Variants in NRXN1 observed in about 807,000 individuals in gnomAD.
NRXN1 encodes the protein neurexin 1, also known as neurexin-1.
NRXN1 carries 39 observed loss-of-function variants against 150.9 expected under a neutral mutation model. That is an observed-to-expected ratio of 0.26 (90% CI 0.20 to 0.34). The LOEUF (loss-of-function observed/expected upper bound fraction) is 0.34. Ranked by LOEUF, NRXN1 falls within the 10% of genes least tolerant of loss-of-function variation. The probability of loss-of-function intolerance (pLI) is 1.00; values close to 1 mark genes in which losing one functional copy is unlikely to be tolerated. For missense variants in NRXN1, 1,815 were observed against 1,949.9 expected (o/e 0.93, Z 1.30); for synonymous variants, 924 against 757.0 (o/e 1.22, Z -3.62).
In NRXN1 at chr2:50,346,107, T is replaced by G. The variant is rs1477913380; in HGVS notation, c.3365-109137A>C. ...GACTCGGTTGCCCTCCTAGCTTTTCTAATTAAGGGAAGGCGTGGGGGCAAA... is the reference window on the plus strand; with the variant it reads ...GACTCGGTTGCCCTCCTAGCTTTTCGAATTAAGGGAAGGCGTGGGGGCAAA... On this transcript the variant is annotated intron_variant, in intron 17 of 22. Transcript: ENST00000401669. The surrounding 1 kb of genome is among the most constrained non-coding windows in gnomAD (Gnocchi z 5.0). Among the ~76,000 whole-genome samples, 1 of 152,190 alleles carries G rather than the reference T, an allele frequency of 6.6e-6. No homozygotes were observed. The highest frequency in any genetic ancestry group is 1.5e-5 in the Non-Finnish European group (1 of 68,040).
intron 7 of NRXN1, among the ~76,000 whole-genome samples, chr2:50,620,614 T>G (rs1004341797): frequency 6.6e-6 from 1 of 152,158 alleles, no homozygotes; most frequent in Non-Finnish European, 1.5e-5. Flanking sequence ...GCGCAAGCTA[T>G]TTCCAGCAAC....
intron 12 of NRXN1, among the ~76,000 whole-genome samples, chr2:50,516,619 C>G (rs898975237): frequency 4.6e-5 from 7 of 152,088 alleles, no homozygotes. Flanking sequence ...ACCCTCAGAA[C>G]CAGGAAGCAA....
At chr2:50,026,969 G>T (rs1688429984) in intron 21 of NRXN1, among the ~76,000 whole-genome samples, 5 of 137,344 alleles carry the variant, frequency 3.6e-5, no homozygotes, top group Admixed American at 2.4e-4. Flanking sequence ...GAAACCTCCG[G>T]CTCCCAGGTT....
At chr2:50,133,730 T>G (rs773649486) in intron 18 of NRXN1, among the ~76,000 whole-genome samples, 2 of 152,160 alleles carry the variant, frequency 1.3e-5, no homozygotes, top group Non-Finnish European at 2.9e-5. Context: ...CAAGAAATCA[T>G]AGACTTCTGG....
intron 2 of NRXN1, among the ~76,000 whole-genome samples, chr2:50,982,857 A>G (rs535710305): frequency 4.6e-5 from 7 of 152,184 alleles, no homozygotes; most frequent in African/African-American, 1.2e-4. Context: ...TTCCATTCCA[A>G]TAACTCTGTT....
At chr2:50,011,074 T>C (rs1558687517) in intron 21 of NRXN1, among the ~76,000 whole-genome samples, 1 of 152,144 alleles carries the variant, frequency 6.6e-6, no homozygotes, top group Non-Finnish European at 1.5e-5. Context: ...TTTTACAATC[T>C]TTGTATAGAA....
At chr2:50,730,406 A>G (rs1697943351) in intron 5 of NRXN1, among the ~76,000 whole-genome samples, 1 of 152,186 alleles carries the variant, frequency 6.6e-6, no homozygotes, top group African/African-American at 2.4e-5. Flanking sequence ...GGAATCAAGC[A>G]TAACTTTAAT....
intron 5 of NRXN1, among the ~76,000 whole-genome samples, chr2:50,834,119 T>C (rs1671773089): frequency 1.3e-5 from 2 of 152,304 alleles, no homozygotes; most frequent in South Asian, 4.1e-4. Flanking sequence ...TTTCTTATTA[T>C]TTATTGAGAT....
chr2:50,614,829 A>T (rs1678808193), intron 8 of NRXN1, among the ~76,000 whole-genome samples: 1 of 151,768 alleles, frequency 6.6e-6, no homozygotes, highest in Non-Finnish European at 1.5e-5. Context: ...AAACTTTCTA[A>T]AACTTTCTCT....
chr2:50,329,633 A>G (rs1180565896), intron 17 of NRXN1, among the ~76,000 whole-genome samples: 11 of 4,632 alleles, frequency 2.4e-3, no homozygotes, highest in African/African-American at 6.5e-3. Flanking sequence ...ATATATATAT[A>G]TATATATATA....
intron 21 of NRXN1, among the ~76,000 whole-genome samples, chr2:49,989,244 G>C (rs2152518079): frequency 1.3e-5 from 2 of 152,262 alleles, no homozygotes; most frequent in South Asian, 4.1e-4. Flanking sequence ...GGGTCTTTAA[G>C]CTAAGGATCT....
chr2:50,723,502 G>A (rs1696934730), intron 5 of NRXN1, among the ~76,000 whole-genome samples: 2 of 152,326 alleles, frequency 1.3e-5, no homozygotes, highest in South Asian at 2.1e-4. Context: ...GGAAAGTCGG[G>A]ATTATTAACA....
intron 17 of NRXN1, among the ~76,000 whole-genome samples, chr2:50,350,512 G>T (rs1438168558): frequency 6.6e-6 from 1 of 152,186 alleles, no homozygotes; most frequent in Non-Finnish European, 1.5e-5. Context: ...ACAAACGTTT[G>T]CCATTCTCTG....
chr2:49,934,785 TTCTCTC>T (rs956305320), intron 22 of NRXN1, among the ~76,000 whole-genome samples: 2 of 151,616 alleles, frequency 1.3e-5, no homozygotes, highest in African/African-American at 4.8e-5. Context: ...CACTCTCCCT[TTCTCTC>T]TCTCTCTCTT....
chr2:50,243,076 G>C (rs985865907), intron 17 of NRXN1, among the ~76,000 whole-genome samples: 2 of 151,740 alleles, frequency 1.3e-5, no homozygotes, highest in Non-Finnish European at 3.0e-5. Flanking sequence ...CGGTTAGATA[G>C]GAAGAATGAG....
chr2:51,020,234 T>C (rs555744963), intron 2 of NRXN1, among the ~76,000 whole-genome samples: 1 of 151,910 alleles, frequency 6.6e-6, no homozygotes, highest in East Asian at 1.9e-4. Flanking sequence ...ACCTCTATCA[T>C]CATAGATTAG....
intron 17 of NRXN1, among the ~76,000 whole-genome samples, chr2:50,294,048 G>A (rs556769644): frequency 3.3e-5 from 5 of 152,320 alleles, no homozygotes; most frequent in African/African-American, 1.2e-4. Context: ...TAACATCAGT[G>A]TCTGTGCACT....
intron 18 of NRXN1, among the ~76,000 whole-genome samples, chr2:50,114,139 G>C (rs779700360): frequency 6.6e-6 from 1 of 152,106 alleles, no homozygotes; most frequent in Non-Finnish European, 1.5e-5. Flanking sequence ...ATAGTTGTGA[G>C]ATCCACACAA....
intron 5 of NRXN1, among the ~76,000 whole-genome samples, chr2:50,899,288 C>A (rs1682535825): frequency 6.6e-6 from 1 of 152,126 alleles, no homozygotes; most frequent in Admixed American, 6.6e-5. Context: ...ATTTCCAATG[C>A]AGTACAATTG....
Sources: gnomAD v4.1 joint callset for allele counts (sites outside exome capture counted in the v4.1 genomes callset) on GRCh38, gnomAD v4.1.1 for gene constraint, Gnocchi (gnomAD v3.1) non-coding constraint, MANE v1.5 for transcripts, NCBI Gene and HGNC (gene_info 2026-07-23, HGNC 2026-07-21) for gene names.